FRMD4A: variants seen among roughly 807,000 people sequenced by gnomAD.
The protein encoded by FRMD4A is FERM domain containing 4A.
FRMD4A carries 29 observed loss-of-function variants against 129.1 expected under a neutral mutation model. The observed-to-expected ratio is 0.22, with a 90% CI of 0.17 to 0.31. FRMD4A has a LOEUF of 0.31. Among genes scored for constraint, FRMD4A ranks in the 10% least tolerant of loss-of-function variants. The pLI, the probability that FRMD4A is intolerant of heterozygous loss-of-function variation, is 1.00. For synonymous variants in FRMD4A, 634 were observed against 571.6 expected (o/e 1.11, Z -1.56); for missense variants, 1,272 against 1,375.8 (o/e 0.92, Z 1.19).
chr10:13,715,924 A>G (rs113790470), intron 12 of FRMD4A, among the ~76,000 whole-genome samples: 1 of 148,568 alleles, frequency 6.7e-6, no homozygotes, highest in Non-Finnish European at 1.5e-5. Flanking sequence ...AAAAAAAAAA[A>G]GAAATGCTAT....
At chr10:14,136,875 T>C (rs1010915938) in intron 2 of FRMD4A, among the ~76,000 whole-genome samples, 1 of 152,200 alleles carries the variant, frequency 6.6e-6, no homozygotes, top group Non-Finnish European at 1.5e-5. Context: ...TAAACCTAAA[T>C]GGACTGAGAC....
intron 2 of FRMD4A, among the ~76,000 whole-genome samples, chr10:14,194,391 A>T (rs930085246): frequency 6.6e-6 from 1 of 152,206 alleles, no homozygotes; most frequent in African/African-American, 2.4e-5. Context: ...CGGGCGGATC[A>T]CGAAGTCAGG....
chr10:13,712,377 A>G (rs2088109770), intron 12 of FRMD4A, among the ~76,000 whole-genome samples: 1 of 152,100 alleles, frequency 6.6e-6, no homozygotes, highest in South Asian at 2.1e-4. Flanking sequence ...AGCCAGGTGT[A>G]GTGGCACGCG....
At chr10:14,282,844 C>T (rs867273359) in intron 2 of FRMD4A, among the ~76,000 whole-genome samples, 4 of 152,162 alleles carry the variant, frequency 2.6e-5, no homozygotes, top group Non-Finnish European at 4.4e-5. Context: ...CAACCTTCTT[C>T]CTTCTGCCTA....
intron 14 of FRMD4A, among the ~76,000 whole-genome samples, chr10:13,698,393 A>T (rs1291642116): frequency 6.6e-6 from 1 of 152,130 alleles, no homozygotes; most frequent in East Asian, 1.9e-4. Context: ...AAATGTTATG[A>T]AGCTCTCTGT....
intron 2 of FRMD4A, among the ~76,000 whole-genome samples, chr10:14,092,469 C>G (rs753998488): frequency 4.6e-5 from 7 of 152,314 alleles, no homozygotes; most frequent in African/African-American, 1.7e-4. Flanking sequence ...CTTGGGAGAA[C>G]ACACAAGGGC....
intron 2 of FRMD4A, among the ~76,000 whole-genome samples, chr10:14,207,288 A>AT (rs546827678): frequency 7.8e-4 from 118 of 152,098 alleles, no homozygotes; most frequent in African/African-American, 2.7e-3. Flanking sequence ...ATGAAAGACA[A>AT]TTTTTCCACG....
chr10:14,280,917 G>T (rs184683059), intron 2 of FRMD4A, among the ~76,000 whole-genome samples: 10 of 150,916 alleles, frequency 6.6e-5, no homozygotes, highest in African/African-American at 2.2e-4. Context: ...TTAAAATAGG[G>T]CCTTTAAAAG....
intron 2 of FRMD4A, among the ~76,000 whole-genome samples, chr10:13,910,522 C>T (rs911143022): frequency 4.6e-5 from 7 of 152,278 alleles, no homozygotes; most frequent in Non-Finnish European, 5.9e-5. Context: ...TTATATTTTG[C>T]GATGGTTTGT....
intron 2 of FRMD4A, among the ~76,000 whole-genome samples, chr10:14,217,647 G>T (rs1363905807): frequency 1.3e-5 from 2 of 152,066 alleles, no homozygotes; most frequent in Non-Finnish European, 2.9e-5. Flanking sequence ...GTCATGAGGT[G>T]GTGGCCTAGT....
chr10:14,179,731 C>T (rs1418080191), intron 2 of FRMD4A, among the ~76,000 whole-genome samples: 1 of 152,060 alleles, frequency 6.6e-6, no homozygotes, highest in East Asian at 1.9e-4. Flanking sequence ...ATGTGTTTGC[C>T]TTTTTAAAAA....
chr10:14,198,948 G>C (rs1414161008), intron 2 of FRMD4A, among the ~76,000 whole-genome samples: 1 of 152,106 alleles, frequency 6.6e-6, no homozygotes, highest in African/African-American at 2.4e-5. Context: ...TCAGTAGAGG[G>C]CTTGTCATTC....
chr10:13,986,509 A>C (rs1426757904), intron 2 of FRMD4A, among the ~76,000 whole-genome samples: 2 of 67,144 alleles, frequency 3.0e-5, no homozygotes, highest in East Asian at 5.6e-4. Flanking sequence ...GGGTGGGGGG[A>C]GGGGGGAGGG....
At chr10:14,298,683 G>A (rs1053039999) in intron 2 of FRMD4A, among the ~76,000 whole-genome samples, 2 of 152,302 alleles carry the variant, frequency 1.3e-5, no homozygotes, top group African/African-American at 2.4e-5. Flanking sequence ...GGATCAACAC[G>A]TTGCTGATTG....
chr10:14,059,254 T>C (rs1834690613), intron 2 of FRMD4A, among the ~76,000 whole-genome samples: 3 of 152,144 alleles, frequency 2.0e-5, no homozygotes, highest in Admixed American at 2.0e-4. Context: ...ACCTCCTAAA[T>C]GAAGAATAAT....
intron 2 of FRMD4A, among the ~76,000 whole-genome samples, chr10:14,187,487 G>C (rs1465155316): frequency 2.0e-5 from 3 of 152,328 alleles, no homozygotes; most frequent in Admixed American, 1.3e-4. Context: ...GACTGACTTA[G>C]AGAACGCTCC....
At chr10:13,995,682 T>C (rs1485687994) in intron 2 of FRMD4A, among the ~76,000 whole-genome samples, 1 of 152,240 alleles carries the variant, frequency 6.6e-6, no homozygotes, top group Admixed American at 6.5e-5. Flanking sequence ...TGGCACGGCA[T>C]GTGGCCTTGG....
intron 2 of FRMD4A, among the ~76,000 whole-genome samples, chr10:14,104,032 T>C (rs1291850155): frequency 1.3e-5 from 2 of 152,254 alleles, no homozygotes. Flanking sequence ...GAGCAAATGC[T>C]GGCTTAGAGA....
intron 2 of FRMD4A, among the ~76,000 whole-genome samples, chr10:14,115,800 C>T (rs1838169170): frequency 6.6e-6 from 1 of 152,232 alleles, no homozygotes; most frequent in African/African-American, 2.4e-5. Flanking sequence ...ATGCCAGTGC[C>T]ATGGTTCTTG....
Sources: gnomAD v4.1 joint callset for allele counts (sites outside exome capture counted in the v4.1 genomes callset) on GRCh38, gnomAD v4.1.1 for gene constraint, MANE v1.5 for transcripts, NCBI Gene and HGNC (gene_info 2026-07-23, HGNC 2026-07-21) for gene names.